Variants in AKAP1 observed in about 807,000 individuals in gnomAD.
AKAP1 encodes the protein A-kinase anchor protein 1, mitochondrial.
A neutral mutation model predicts 79.8 loss-of-function variants in AKAP1; 32 were observed. The observed-to-expected ratio is 0.40, with a 90% CI of 0.30 to 0.54. The LOEUF is 0.54. Ranked by LOEUF, AKAP1 falls within the 20% of genes least tolerant of loss-of-function variation. The probability of loss-of-function intolerance (pLI) is 0.47; values close to 1 mark genes in which losing one functional copy is unlikely to be tolerated. For missense variants in AKAP1, 961 were observed against 1,138.9 expected (o/e 0.84, Z 2.25); for synonymous variants, 416 against 466.7 (o/e 0.89, Z 1.40).
chr17:57,099,056 C>T (rs998405369), intron 1 of AKAP1, among the ~76,000 whole-genome samples: 3 of 152,074 alleles, frequency 2.0e-5, no homozygotes. Context: ...TGAGCCACCG[C>T]ACCTAGCCTA....
rs1915622040 is a variant in AKAP1, at chr17:57,116,900, C to T, written c.2473C>T (p.Leu825Phe). Reference sequence around the variant, plus strand: ...CCTGCCGTTTCAGGGAGCAGAAGTCCTTCTGGACAGTGTGATGCCCCTGTC... The same window carrying T: ...CCTGCCGTTTCAGGGAGCAGAAGTCTTTCTGGACAGTGTGATGCCCCTGTC... ...VTLPFQGAEVLLDSVMPLSDD... is the reference protein window; with the variant it reads ...VTLPFQGAEVFLDSVMPLSDD... Residue 825 changes from leucine (L) to phenylalanine (F), a missense_variant, in exon 8 of 11, where the codon CTT (leucine) becomes TTT (phenylalanine). Coordinates refer to ENST00000337714, the MANE Select transcript of AKAP1 (RefSeq NM_003488.4). The T allele has an allele frequency of 6.2e-7, 1 of 1,614,040 alleles. No individual in the cohort carries two copies. Among genetic ancestry groups the T allele is most frequent in the South Asian group, 1.1e-5 (1 of 91,074 alleles).
chr17:57,112,354 G>A, intron 4 of AKAP1, 137 bp from the exon 5 acceptor site: 1 of 1,011,318 alleles, frequency 9.9e-7, no homozygotes, highest in Non-Finnish European at 1.4e-6. Flanking sequence ...CAGAGCTTAA[G>A]TGTTTTGTTA....
Position 57,106,341 on chromosome 17 carries a change from G to T in AKAP1, c.877G>T (p.Ala293Ser), listed in dbSNP as rs769551903. The T allele has an allele frequency of 1.9e-6, 3 of 1,613,964 alleles. No individual in the cohort carries two copies. Among genetic ancestry groups the T allele is most frequent in the African/African-American group, 1.3e-5 (1 of 74,902 alleles). Residue 293 changes from alanine to serine, a missense_variant, in exon 2 of 11, where the codon GCC becomes TCC. Physicochemically the swap from Ala to Ser is moderately conservative, Grantham distance 99 (BLOSUM62 1). Around this residue, in one of 3 missense-constraint regions of AKAP1, gnomAD observed 629 missense variants for 781.1 expected, o/e 0.81. Coordinates refer to ENST00000337714, the MANE Select transcript of AKAP1 (RefSeq NM_003488.4). ...DAAPAPPVAD[A>S]KAQDRGVEGE... Reference sequence around the variant, plus strand: ...GGCGCCAGCACCCCCAGTCGCAGACGCCAAAGCCCAGGATAGAGGTGTCGA... The same window carrying T: ...GGCGCCAGCACCCCCAGTCGCAGACTCCAAAGCCCAGGATAGAGGTGTCGA...
At position 57,105,525 on chromosome 17, in the gene AKAP1, G is replaced by A. The variant is rs548055603; in HGVS notation, c.61G>A (p.Gly21Ser). ...ATTGCCTGGGATGCTGGCGCTCCTCGGCTGGTGGTGGTTTTTCTCTCGTAA... is the reference window on the plus strand; with the variant it reads ...ATTGCCTGGGATGCTGGCGCTCCTCAGCTGGTGGTGGTTTTTCTCTCGTAA... ...LALPGMLALL[G>S]WWWFFSRKKG... Residue 21 changes from glycine (G) to serine (S), a missense_variant, in exon 2 of 11, where the codon GGC (glycine) becomes AGC (serine). This residue lies in a region of AKAP1 where 108 missense variants were observed against 147.6 expected (regional missense o/e 0.73). Transcript: ENST00000337714. The A allele has an allele frequency of 1.9e-4, 314 of 1,614,052 alleles. 3 individuals are homozygous for A. The South Asian group carries it at 3.0e-3, about 15-fold the overall frequency.
intron 8 of AKAP1, 39 bp downstream of exon 8, chr17:57,116,966 A>G (rs373446786): frequency 6.3e-7 from 1 of 1,590,384 alleles, no homozygotes; most frequent in Non-Finnish European, 8.6e-7. Flanking sequence ...ATTGTTGGGG[A>G]CAGTTGTTGA....
Position 57,118,437 on chromosome 17 carries a change from A to G in AKAP1, c.2557A>G (p.Thr853Ala). Residue 853 changes from threonine to alanine, a missense_variant, in exon 9 of 11, where the codon ACA becomes GCA. Coordinates refer to ENST00000337714, the MANE Select transcript of AKAP1 (RefSeq NM_003488.4). ...CGCCATGAGCGAGATGACGGGGAAT[A>G]CAGCACTGCTTGCTCAGGTGTGTGG... ...DAAMSEMTGNTALLAQVTSYS... is the reference protein window; with the variant it reads ...DAAMSEMTGNAALLAQVTSYS... The G allele has an allele frequency of 1.2e-6, 2 of 1,613,954 alleles. No homozygotes were observed. Among genetic ancestry groups the G allele is most frequent in the Non-Finnish European group, 1.7e-6 (2 of 1,179,926 alleles).
In AKAP1 at chr17:57,111,908, G is replaced by A; in HGVS notation, c.1959G>A (p.Gln653=). Residue 653 remains glutamine, a synonymous_variant, in exon 4 of 11, where the codon CAG becomes CAA. Transcript: ENST00000337714. ...ISTLPYTQSV[Q]ICHIEGSQHH... ...CCCTGCCTTACACCCAGAGCGTCCA[G>A]ATCTGCCACATAGAAGGTCAGTAAC... 3 of 1,613,814 alleles carry A rather than the reference G, an allele frequency of 1.9e-6. No individual in the cohort carries two copies. The highest frequency in any genetic ancestry group is 2.5e-6 in the Non-Finnish European group (3 of 1,179,830).
rs1464996440 is a variant in AKAP1 at position 57,116,188 on chromosome 17, A to T, written c.2359A>T (p.Asn787Tyr). 1.2e-6 allele frequency: 2 copies of T among 1,614,204 alleles called. No individual in the cohort carries two copies. Among genetic ancestry groups the T allele is most frequent in the Admixed American group, 3.3e-5 (2 of 60,036 alleles). ...AGTGGTTGCCTCCTACGAGGAGACC[A>T]ACGAAGTGGAGATTCGATACGTGGA... ...AQVVASYEET[N>Y]EVEIRYVDYG... The change falls in exon 7 of 11, where the codon AAC becomes TAC. Residue 787 changes from asparagine (N) to tyrosine (Y), a missense_variant. By Grantham distance (143) the Asn-to-Tyr change is moderately radical. Coordinates refer to ENST00000337714, the MANE Select transcript of AKAP1 (RefSeq NM_003488.4).
intron 1 of AKAP1, among the ~76,000 whole-genome samples, chr17:57,105,234 A>T (rs1914769600): frequency 6.6e-6 from 1 of 152,166 alleles, no homozygotes; most frequent in Admixed American, 6.5e-5. Flanking sequence ...ATGGAGGGGA[A>T]GATGCCTCTT....
chr17:57,086,927 TC>T lies in AKAP1; in HGVS notation c.-25+1531del. On this transcript the variant is annotated intron_variant, in intron 1 of 10. Transcript: ENST00000337714. This position sits in a 1 kb window ranked among gnomAD's most constrained non-coding sequence, Gnocchi z 5.1. ...TGCCTGACTTGATCATTTATATAATTCCTCTGATCTTGGCATTGAAGTGGTT... is the reference window on the plus strand; with the variant it reads ...TGCCTGACTTGATCATTTATATAATTCTCTGATCTTGGCATTGAAGTGGTT... Among the ~76,000 whole-genome samples, 1 of 152,218 alleles carries T rather than the reference TC, an allele frequency of 6.6e-6. No individual in the cohort carries two copies. The highest frequency in any genetic ancestry group is 1.5e-5 in the Non-Finnish European group (1 of 68,038).
rs190331145 is a variant in AKAP1, at chr17:57,120,653, A to G, written c.*329A>G. 4.3e-4 allele frequency: 89 copies of G among 207,408 alleles called. No individual in the cohort carries two copies. Among genetic ancestry groups the G allele is most frequent in the African/African-American group, 2.0e-3 (88 of 43,140 alleles). 12.8% of individuals were successfully genotyped at this position (207,408 alleles called of 1,614,324 possible). On this transcript the variant is annotated 3_prime_UTR_variant, in exon 11 of 11. Coordinates refer to ENST00000337714, the MANE Select transcript of AKAP1 (RefSeq NM_003488.4). ...GTTCCATTCCCCTCTTCTTCCTTCT[A>G]TCTCCTTCCCCGGCAAAAACCAAAC...
In AKAP1 at chr17:57,120,589, G is replaced by C; in HGVS notation, c.*265G>C. The C allele has an allele frequency of 2.8e-6, 1 of 352,556 alleles. No homozygotes were observed. The highest frequency in any genetic ancestry group is 5.1e-6 in the Non-Finnish European group (1 of 195,352). The allele number at this position is 352,556 out of a possible 1,614,324, so 21.8% of individuals were successfully genotyped here. A position where few individuals can be genotyped will look rare whatever the true frequency, so the allele number is the denominator to read the frequency against. Reference sequence around the variant, plus strand: ...GCTGTTTAAAAAAAAAAAAAAAAAGGAATAGAAACAGTTTCAACCAGATTG... The same window carrying C: ...GCTGTTTAAAAAAAAAAAAAAAAAGCAATAGAAACAGTTTCAACCAGATTG... On this transcript the variant is annotated 3_prime_UTR_variant, in exon 11 of 11. Coordinates refer to ENST00000337714, the MANE Select transcript of AKAP1 (RefSeq NM_003488.4).
At chr17:57,114,124 T>C (rs576489954) in intron 5 of AKAP1, among the ~76,000 whole-genome samples, 36 of 152,284 alleles carry the variant, frequency 2.4e-4, no homozygotes, top group Non-Finnish European at 4.7e-4. Flanking sequence ...GCACTGCTGG[T>C]AGGTGGACCC....
At chr17:57,087,101 G>C (rs972608339) in intron 1 of AKAP1, among the ~76,000 whole-genome samples, 4 of 152,148 alleles carry the variant, frequency 2.6e-5, no homozygotes, top group Non-Finnish European at 5.9e-5. Context: ...TTGAAATATG[G>C]CCCTAGGTTA....
intron 10 of AKAP1, 85 bp from the exon 11 acceptor site, chr17:57,120,165 A>G (rs1641245916): frequency 3.1e-6 from 4 of 1,276,368 alleles, no homozygotes; most frequent in Non-Finnish European, 4.5e-6. Context: ...TGCAGTGGCA[A>G]CCGGGGAGGG....
Position 57,106,231 on chromosome 17 carries a change from C to T in AKAP1, c.767C>T (p.Pro256Leu), listed in dbSNP as rs1323244173. 1.2e-6 allele frequency: 2 copies of T among 1,614,106 alleles called. No homozygotes were observed. Among genetic ancestry groups the T allele is most frequent in the South Asian group, 1.1e-5 (1 of 91,074 alleles). ...GKSSSSQVVG[P>L]VQEEEYVAEK... is the part of the protein sequence containing the mutation. ...AGCAGCTCATCCCAGGTGGTGGGGC[C>T]AGTGCAGGAGGAAGAGTATGTAGCA... Residue 256 changes from proline (P) to leucine (L), a missense_variant, in exon 2 of 11, where the codon CCA (proline) becomes CTA (leucine). Physicochemically the swap from Pro to Leu is moderately conservative, Grantham distance 98. This residue lies in a region of AKAP1 where 224 missense variants were observed against 210.2 expected (regional missense o/e 1.07). Coordinates refer to ENST00000337714, the MANE Select transcript of AKAP1 (RefSeq NM_003488.4).
intron 1 of AKAP1, chr17:57,095,485 T>TTTTTTTTTTTTTC (rs1567898364): frequency 1.4e-5 from 2 of 138,182 alleles, no homozygotes; most frequent in Non-Finnish European, 3.1e-5. Context: ...TTTTTTTTTT[T>TTTTTTTTTTTTTC]CTTCTGCCCT....
At chr17:57,115,968 G>A in intron 6 of AKAP1, 143 bp from the exon 7 acceptor site, 4 of 972,344 alleles carry the variant, frequency 4.1e-6, no homozygotes, top group East Asian at 2.7e-5. Flanking sequence ...GCTTTGCTTG[G>A]GGCCGGTTGC....
chr17:57,106,500 C>T lies in AKAP1; in HGVS notation c.1036C>T (p.Arg346Trp), dbSNP rs138190257. Residue 346 changes from arginine (R) to tryptophan (W), a missense_variant, in exon 2 of 11, where the codon CGG (arginine) becomes TGG (tryptophan). Arg to Trp is a moderately radical substitution (Grantham distance 101). Transcript: ENST00000337714. ...CTTGGATAGAAATGAGGAGATTAAG[C>T]GGGCTGCCTTCCAGATAATCTCCCA... ...EGLDRNEEIK[R>W]AAFQIISQVI... 10 of 1,612,576 alleles carry T rather than the reference C, an allele frequency of 6.2e-6. No homozygotes were observed. Among genetic ancestry groups the T allele is most frequent in the Middle Eastern group, 1.7e-4 (1 of 6,060 alleles).
Sources: allele counts gnomAD v4.1 joint callset (sites outside exome capture counted in the v4.1 genomes callset), GRCh38; gene constraint gnomAD v4.1.1; regional missense constraint gnomAD v4.1.1; non-coding constraint Gnocchi (gnomAD v3.1); transcripts MANE v1.5; gene names NCBI Gene and HGNC (gene_info 2026-07-23, HGNC 2026-07-21).